The following GAS6 variants were observed in gnomAD, a reference collection of about 807,000 sequenced individuals.
GAS6 encodes growth arrest-specific protein 6.
GAS6 carries 41 observed loss-of-function variants against 75.8 expected under a neutral mutation model. The ratio of observed to expected loss-of-function variants is 0.54; its 90% CI spans 0.42 to 0.70. The LOEUF is 0.70. Among genes scored for constraint, GAS6 ranks in the 30% least tolerant of loss-of-function variants. The pLI is 0.00. For synonymous variants in GAS6, 432 were observed against 412.6 expected (o/e 1.05, Z -0.57); for missense variants, 854 against 940.2 (o/e 0.91, Z 1.20).
At chr13:113,832,551 C>T (rs1307424665) in intron 9 of GAS6, 63 bp from the exon 10 acceptor site, 1 of 1,598,488 alleles carries the variant, frequency 6.3e-7, no homozygotes, top group South Asian at 1.1e-5. Flanking sequence ...CCCCTCCCTG[C>T]TGGCCGAACC....
intron 4 of GAS6, chr13:113,840,650 G>C (rs2051765258): frequency 6.6e-6 from 1 of 152,264 alleles, no homozygotes; most frequent in South Asian, 2.1e-4. Flanking sequence ...AGTTACGCAA[G>C]CCTGAGCCCC....
chr13:113,831,405 G>A (rs2051628608), intron 10 of GAS6, among the ~76,000 whole-genome samples: 1 of 152,206 alleles, frequency 6.6e-6, no homozygotes, highest in South Asian at 2.1e-4. Context: ...CCTGGCCACG[G>A]CCCGGGAGAC....
chr13:113,831,549 C>T (rs936722510), intron 10 of GAS6, among the ~76,000 whole-genome samples: 8 of 152,068 alleles, frequency 5.3e-5, no homozygotes, highest in African/African-American at 9.7e-5. Flanking sequence ...GCATGGCCTC[C>T]AGACACAGCC....
chr13:113,856,264 AGGAGCACACAGT>A (rs2051913393), intron 2 of GAS6, among the ~76,000 whole-genome samples: 1 of 152,198 alleles, frequency 6.6e-6, no homozygotes, highest in Non-Finnish European at 1.5e-5. Flanking sequence ...CTGCACACAG[AGGAGCACACAGT>A]GGGGCCGGGG....
chr13:113,825,588 C>G (rs2051526610), intron 12 of GAS6, among the ~76,000 whole-genome samples: 1 of 152,104 alleles, frequency 6.6e-6, no homozygotes. Context: ...TGGAAATGGC[C>G]CCTGTGATGC....
chr13:113,823,550 A>G lies in GAS6; in HGVS notation c.1478T>C (p.Met493Thr). 2.5e-6 allele frequency: 4 copies of G among 1,609,302 alleles called. No individual in the cohort carries two copies. The highest frequency in any genetic ancestry group is 1.3e-5 in the African/African-American group (1 of 74,996). ...SGFAFYSLDY[M>T]RTPLDVGTES... ...AGTCCCGACGTCCAGAGGGGTCCGC[A>G]CTGCAATGAAAGCGGTGCATTATAG... The change falls in exon 13 of 15, where the codon ATG becomes ACG. Residue 493 changes from methionine (M) to threonine (T), a missense_variant and splice_region_variant. Physicochemically the swap from Met to Thr is moderately conservative, Grantham distance 81 (BLOSUM62 -1). Coordinates refer to ENST00000327773, the MANE Select transcript of GAS6 (RefSeq NM_000820.4).
At chr13:113,855,884 C>A (rs2138663730) in intron 2 of GAS6, among the ~76,000 whole-genome samples, 1 of 152,304 alleles carries the variant, frequency 6.6e-6, no homozygotes, top group East Asian at 1.9e-4. Flanking sequence ...AAGCTCAGGC[C>A]CCAAATTCAC....
At chr13:113,852,993 G>T (rs569161062) in intron 2 of GAS6, among the ~76,000 whole-genome samples, 1 of 152,164 alleles carries the variant, frequency 6.6e-6, no homozygotes, top group African/African-American at 2.4e-5. Flanking sequence ...GGGCCGGGGG[G>T]ACTCTTCCCC....
intron 2 of GAS6, among the ~76,000 whole-genome samples, chr13:113,857,627 C>A (rs1374230042): frequency 6.6e-6 from 1 of 152,230 alleles, no homozygotes; most frequent in Non-Finnish European, 1.5e-5. Flanking sequence ...CTGGGAAGTG[C>A]TCAGCATGCC....
chr13:113,821,488 G>C (rs144794391), intron 14 of GAS6: 1 of 225,858 alleles, frequency 4.4e-6, no homozygotes, highest in Middle Eastern at 1.7e-3. Context: ...CCCAGCTCAT[G>C]GCAAGGACAT....
rs148196117 is a variant in GAS6 at position 113,826,946 on chromosome 13, T to C, written c.1477+50A>G. The C allele has an allele frequency of 2.4e-4, 347 of 1,445,336 alleles. No homozygotes were observed. In the Admixed American group the frequency reaches 6.7e-3, roughly 28 times the overall value. 89.5% of individuals were successfully genotyped at this position (1,445,336 alleles called of 1,614,324 possible). On this transcript the variant is annotated intron_variant, in intron 12 of 14. Coordinates refer to ENST00000327773, the MANE Select transcript of GAS6 (RefSeq NM_000820.4). ...CGTCTGCTTGCTTTCAGCGTATGCC[T>C]GTCTGAAGGTGCAGCCACAGCCACC... is the stretch of plus-strand genomic sequence containing the variant.
intron 7 of GAS6, among the ~76,000 whole-genome samples, chr13:113,834,970 G>T (rs1566361639): frequency 6.6e-6 from 1 of 152,236 alleles, no homozygotes; most frequent in Non-Finnish European, 1.5e-5. Flanking sequence ...GGCAGGTCTG[G>T]GAAGCACAGG....
At chr13:113,827,676 G>A (rs945494943) in intron 11 of GAS6, among the ~76,000 whole-genome samples, 6 of 142,136 alleles carry the variant, frequency 4.2e-5, no homozygotes, top group African/African-American at 1.8e-4. Flanking sequence ...CACTGAAGGG[G>A]TGGCTTCAGC....
At chr13:113,841,644 GCCTCAATTTCCTCCATACGCCC>G (rs1366759056) in intron 4 of GAS6, 6 of 145,850 alleles carry the variant, frequency 4.1e-5, no homozygotes, top group African/African-American at 1.6e-4. Context: ...TCCTCCATAT[GCCTCAATTTCCTCCATACGCCC>G]CCCAGTTTCT....
At chr13:113,838,783 G>A (rs544935073) in intron 5 of GAS6, among the ~76,000 whole-genome samples, 4 of 131,784 alleles carry the variant, frequency 3.0e-5, no homozygotes, top group South Asian at 2.5e-4. Context: ...GGAAGGGACC[G>A]CGGGTGTGCA....
intron 2 of GAS6, among the ~76,000 whole-genome samples, chr13:113,851,461 G>C (rs1349733730): frequency 6.6e-6 from 1 of 151,638 alleles, no homozygotes; most frequent in Admixed American, 6.6e-5. Flanking sequence ...ATGGGTGAAT[G>C]AGAGTGAGTA....
intron 12 of GAS6, among the ~76,000 whole-genome samples, chr13:113,826,040 C>G (rs921429512): frequency 1.1e-4 from 16 of 152,150 alleles, no homozygotes; most frequent in Admixed American, 3.9e-4. Flanking sequence ...CCAGTGGGGC[C>G]CACGTGGGGT....
chr13:113,859,551 T>TGTAC (rs2051953796), intron 2 of GAS6, among the ~76,000 whole-genome samples: 1 of 152,280 alleles, frequency 6.6e-6, no homozygotes, highest in Admixed American at 6.5e-5. Flanking sequence ...AGTGTGTGTG[T>TGTAC]GTACGTATAT....
At chr13:113,847,097 G>T (rs1277372163) in intron 3 of GAS6, 1 of 454,220 alleles carries the variant, frequency 2.2e-6, no homozygotes, top group Admixed American at 2.3e-5. Flanking sequence ...GGGATAACCC[G>T]AAGCGTGAGG....
Sources: allele counts gnomAD v4.1 joint callset (sites outside exome capture counted in the v4.1 genomes callset), GRCh38; gene constraint gnomAD v4.1.1; transcripts MANE v1.5; gene names NCBI Gene and HGNC (gene_info 2026-07-23, HGNC 2026-07-21).